The following NFIA variants were observed in gnomAD, a reference collection of about 807,000 sequenced individuals.
NFIA encodes nuclear factor I A.
Under a neutral mutation model 62.8 loss-of-function variants are expected in NFIA, and 8 were observed. The ratio of observed to expected loss-of-function variants is 0.13; its 90% CI spans 0.07 to 0.23. The LOEUF (loss-of-function observed/expected upper bound fraction) is 0.23. Among genes scored for constraint, NFIA ranks in the 10% least tolerant of loss-of-function variants. The probability of loss-of-function intolerance (pLI) is 1.00; values close to 1 mark genes in which losing one functional copy is unlikely to be tolerated. For missense variants in NFIA, 410 were observed against 642.1 expected, an observed-to-expected ratio of 0.64 and a Z score of 3.91; for synonymous variants, 235 against 238.1, an observed-to-expected ratio of 0.99 and a Z score of 0.12.
chr1:61,368,260 T>C (rs1008191610), intron 6 of NFIA, among the ~76,000 whole-genome samples: 28 of 152,220 alleles, frequency 1.8e-4, no homozygotes, highest in African/African-American at 6.8e-4. Context: ...CTCCTCCCTG[T>C]GCCTGTCACC....
Position 61,406,550 on chromosome 1 carries a change from C to CA in NFIA, c.1255-12_1255-11insA, listed in dbSNP as rs754084943. The CA allele has an allele frequency of 2.4e-5, 27 of 1,113,242 alleles. 1 individual carries two copies. The highest frequency in any genetic ancestry group is 2.8e-5 in the Non-Finnish European group (23 of 817,872). The allele number at this position is 1,113,242 out of a possible 1,614,324, so 69.0% of individuals were successfully genotyped here. A position where few individuals can be genotyped will look rare whatever the true frequency, so the allele number is the denominator to read the frequency against. ...CTTGTACGTGTGTTTTCTGCCCCCC[C>CA]CCCCCCCACAGCCCAATGGGAGCAG... is the stretch of plus-strand genomic sequence containing the variant. On this transcript the variant is annotated splice_polypyrimidine_tract_variant and intron_variant, in intron 8 of 10. Coordinates refer to ENST00000403491, the MANE Select transcript of NFIA (RefSeq NM_001134673.4).
chr1:61,381,089 T>G (rs1358139366), intron 6 of NFIA, among the ~76,000 whole-genome samples: 2 of 150,560 alleles, frequency 1.3e-5, no homozygotes, highest in East Asian at 4.1e-4. Context: ...TCATCAGTGA[T>G]TCCATTATCT....
chr1:61,201,963 CAG>C (rs1652533762), intron 2 of NFIA, among the ~76,000 whole-genome samples: 1 of 151,958 alleles, frequency 6.6e-6, no homozygotes, highest in Non-Finnish European at 1.5e-5. Context: ...AAAAAACACT[CAG>C]ATTCCAATGT....
chr1:61,180,767 G>A (rs150279272), intron 2 of NFIA, among the ~76,000 whole-genome samples: 3 of 152,290 alleles, frequency 2.0e-5, no homozygotes, highest in East Asian at 1.9e-4. Flanking sequence ...TTGGCAAACC[G>A]TGTTATTGGG....
At chr1:61,443,662 T>C (rs1371072853) in intron 10 of NFIA, among the ~76,000 whole-genome samples, 2 of 152,216 alleles carry the variant, frequency 1.3e-5, no homozygotes, top group Admixed American at 1.3e-4. Flanking sequence ...AGGTTACAGT[T>C]ACTATTAGTA....
chr1:61,126,796 TTTTTTGAAGACAAAGTCTTGCTCTC>T (rs1646980770), intron 2 of NFIA, among the ~76,000 whole-genome samples: 2 of 143,826 alleles, frequency 1.4e-5, no homozygotes, highest in African/African-American at 5.2e-5. Flanking sequence ...TTTTTTTTTT[TTTTTTGAAGACAAAGTCTTGCTCTC>T]TTGCCCAGGC....
chr1:61,158,626 A>G (rs1241248563), intron 2 of NFIA, among the ~76,000 whole-genome samples: 1 of 152,212 alleles, frequency 6.6e-6, no homozygotes, highest in Non-Finnish European at 1.5e-5. Context: ...GAAGAGATTG[A>G]TTTGAAAAGT....
intron 6 of NFIA, among the ~76,000 whole-genome samples, chr1:61,379,860 A>G (rs1344332961): frequency 6.6e-6 from 1 of 152,148 alleles, no homozygotes; most frequent in Non-Finnish European, 1.5e-5. Flanking sequence ...CCTGACTACC[A>G]CAAATACCAA....
At chr1:61,326,592 TC>T (rs763628369) in intron 3 of NFIA, among the ~76,000 whole-genome samples, 1 of 151,928 alleles carries the variant, frequency 6.6e-6, no homozygotes, top group Non-Finnish European at 1.5e-5. Context: ...AGAAGATACT[TC>T]CCCTCCTCAG....
intron 7 of NFIA, among the ~76,000 whole-genome samples, chr1:61,393,137 G>A (rs568886931): frequency 8.0e-5 from 10 of 125,072 alleles, no homozygotes; most frequent in Admixed American, 5.8e-4. Context: ...TTGATTCCAT[G>A]TATAGACTCA....
intron 6 of NFIA, among the ~76,000 whole-genome samples, 191 bp downstream of exon 6, chr1:61,359,465 C>A (rs558828195): frequency 6.6e-6 from 1 of 152,334 alleles, no homozygotes; most frequent in Admixed American, 6.5e-5. Flanking sequence ...AGTAGTAATT[C>A]AACTGAAATG....
chr1:61,327,261 T>G (rs1278308223), intron 3 of NFIA, among the ~76,000 whole-genome samples: 1 of 151,702 alleles, frequency 6.6e-6, no homozygotes, highest in Non-Finnish European at 1.5e-5. Context: ...CATATATATA[T>G]TTCATTTCAG....
At chr1:61,408,000 G>C (rs768439820) in intron 9 of NFIA, among the ~76,000 whole-genome samples, 1 of 152,146 alleles carries the variant, frequency 6.6e-6, no homozygotes. Flanking sequence ...TTTATGCCAT[G>C]TTCATAGAAT....
chr1:61,131,422 A>T (rs1647077286), intron 2 of NFIA, among the ~76,000 whole-genome samples: 1 of 152,030 alleles, frequency 6.6e-6, no homozygotes, highest in African/African-American at 2.4e-5. Flanking sequence ...TTTTAAGGGG[A>T]TGCATTTTAG....
intron 9 of NFIA, among the ~76,000 whole-genome samples, chr1:61,419,861 G>C (rs868596844): frequency 6.6e-6 from 1 of 152,192 alleles, no homozygotes; most frequent in African/African-American, 2.4e-5. Flanking sequence ...AATTACTAGC[G>C]ATAAGGAGGC....
intron 4 of NFIA, among the ~76,000 whole-genome samples, chr1:61,349,655 GC>G (rs796376385): frequency 3.0e-4 from 45 of 152,218 alleles, no homozygotes; most frequent in South Asian, 1.9e-3. Flanking sequence ...GTTAACTGCA[GC>G]CTCAAACTCC....
intron 7 of NFIA, among the ~76,000 whole-genome samples, chr1:61,396,847 C>G (rs982325454): frequency 5.3e-5 from 8 of 151,860 alleles, no homozygotes; most frequent in Non-Finnish European, 1.2e-4. Context: ...TAAAAAAATT[C>G]AAAAATTAGC....
chr1:61,216,294 T>C (rs188324243), intron 2 of NFIA, among the ~76,000 whole-genome samples: 1 of 152,278 alleles, frequency 6.6e-6, no homozygotes, highest in Non-Finnish European at 1.5e-5. Flanking sequence ...TAGTTTTTAA[T>C]GTCTTGGGAT....
rs775972026 is a variant in NFIA at position 61,166,359 on chromosome 1, G to A, written c.559+77679G>A. Among the ~76,000 whole-genome samples the A allele has an allele frequency of 1.8e-3, 281 of 152,112 alleles. 5 individuals carry two copies. The highest frequency in any genetic ancestry group is 1.0e-3 in the Non-Finnish European group (71 of 68,026). On this transcript the variant is annotated intron_variant, in intron 2 of 10. Coordinates refer to ENST00000403491, the MANE Select transcript of NFIA (RefSeq NM_001134673.4). ...AGTCCACACCAAATGACTTGCCTGA[G>A]ATATGTATTCATTACATTTTGGAGT...
Sources: allele counts gnomAD v4.1 joint callset (sites outside exome capture counted in the v4.1 genomes callset), GRCh38; gene constraint gnomAD v4.1.1; transcripts MANE v1.5; gene names NCBI Gene and HGNC (gene_info 2026-07-23, HGNC 2026-07-21).